Variants in ZFPM2 observed in about 807,000 individuals in gnomAD.
ZFPM2 encodes zinc finger protein, FOG family member 2, also known as zinc finger protein ZFPM2.
ZFPM2 carries 20 observed loss-of-function variants against 98.6 expected under a neutral mutation model. The observed-to-expected ratio is 0.20, with a 90% CI of 0.14 to 0.29. The LOEUF is 0.29. Among genes scored for constraint, ZFPM2 ranks in the 10% least tolerant of loss-of-function variants. The probability of loss-of-function intolerance (pLI) is 1.00; values close to 1 mark genes in which losing one functional copy is unlikely to be tolerated. For synonymous variants in ZFPM2, 518 were observed against 502.7 expected, an observed-to-expected ratio of 1.03 and a Z score of -0.41; for missense variants, 1,310 against 1,388.6, an observed-to-expected ratio of 0.94 and a Z score of 0.90.
rs1424276294 is a variant in ZFPM2, at chr8:105,403,610, G to A, written c.41-15534G>A. 2.0e-5 allele frequency among the ~76,000 whole-genome samples: 3 copies of A among 151,238 alleles called. No homozygotes were observed. The East Asian group carries it at 5.8e-4, about 29-fold the overall frequency. ...TTTTTCAGTCATTAGCATGTTGTTT[G>A]TCCTATGTTCCACACTTTTCCTCCA... On this transcript the variant is annotated intron_variant, in intron 1 of 7. Coordinates refer to ENST00000407775, the MANE Select transcript of ZFPM2 (RefSeq NM_012082.4).
At chr8:105,757,688 G>C (rs192695963) in intron 5 of ZFPM2, among the ~76,000 whole-genome samples, 1 of 152,112 alleles carries the variant, frequency 6.6e-6, no homozygotes, top group Non-Finnish European at 1.5e-5. Flanking sequence ...CAACAATCTG[G>C]AATGGTATTG....
intron 1 of ZFPM2, chr8:105,418,646 C>A (rs537945374): frequency 3.5e-5 from 18 of 515,012 alleles, no homozygotes; most frequent in Non-Finnish European, 6.6e-5. Context: ...ATAATGAAAT[C>A]TTTTCTCAGA....
At chr8:105,413,435 G>A (rs1348916611) in intron 1 of ZFPM2, among the ~76,000 whole-genome samples, 1 of 149,392 alleles carries the variant, frequency 6.7e-6, no homozygotes, top group Non-Finnish European at 1.5e-5. Context: ...TTGAAAGGTA[G>A]CATCATTTGA....
At chr8:105,461,497 A>G (rs1812704138) in intron 3 of ZFPM2, among the ~76,000 whole-genome samples, 1 of 152,146 alleles carries the variant, frequency 6.6e-6, no homozygotes, top group African/African-American at 2.4e-5. Flanking sequence ...TAAATCATTC[A>G]AATAAAAGGG....
intron 3 of ZFPM2, among the ~76,000 whole-genome samples, chr8:105,537,736 CTTTA>C (rs1440447039): frequency 1.3e-5 from 2 of 151,696 alleles, no homozygotes; most frequent in Non-Finnish European, 2.9e-5. Context: ...TTTTCTTCTT[CTTTA>C]TTTTTTTTTG....
chr8:105,563,194 T>C lies in ZFPM2; in HGVS notation c.420+1713T>C, dbSNP rs534073814. ...ACATTACATTCCTTTTTTGATTTAT[T>C]ACATGAAGGAAATCCCTTCTTCAAG... On this transcript the variant is annotated intron_variant, in intron 4 of 7. Transcript: ENST00000407775. Among the ~76,000 whole-genome samples, 159 of 152,314 alleles carry C rather than the reference T, an allele frequency of 1.0e-3. 1 individual carries two copies. The highest frequency in any genetic ancestry group is 2.0e-3 in the Non-Finnish European group (136 of 68,040).
chr8:105,724,369 T>C (rs1811755966), intron 5 of ZFPM2, among the ~76,000 whole-genome samples: 1 of 151,912 alleles, frequency 6.6e-6, no homozygotes, highest in Non-Finnish European at 1.5e-5. Context: ...TTTCTTCTAA[T>C]GCCATGAATT....
chr8:105,559,497 A>T (rs2130693864), intron 3 of ZFPM2, among the ~76,000 whole-genome samples: 1 of 152,302 alleles, frequency 6.6e-6, no homozygotes, highest in African/African-American at 2.4e-5. Context: ...AGAAGGGTGA[A>T]TGAAAGTGTT....
At chr8:105,578,694 G>A (rs1413440328) in intron 4 of ZFPM2, among the ~76,000 whole-genome samples, 1 of 152,104 alleles carries the variant, frequency 6.6e-6, no homozygotes, top group African/African-American at 2.4e-5. Context: ...CTTGGTAAGA[G>A]CAGTGCTTTG....
chr8:105,729,313 A>G (rs1811878059), intron 5 of ZFPM2, among the ~76,000 whole-genome samples: 1 of 151,538 alleles, frequency 6.6e-6, no homozygotes, highest in South Asian at 2.1e-4. Context: ...CATTACAATG[A>G]GCCTTAATTA....
At chr8:105,716,396 GT>G (rs1427347287) in intron 5 of ZFPM2, among the ~76,000 whole-genome samples, 1 of 151,596 alleles carries the variant, frequency 6.6e-6, no homozygotes, top group Admixed American at 6.6e-5. Flanking sequence ...TATAAAACCA[GT>G]TTATACATAC....
At chr8:105,357,005 C>A (rs940240885) in intron 1 of ZFPM2, among the ~76,000 whole-genome samples, 3 of 152,180 alleles carry the variant, frequency 2.0e-5, no homozygotes, top group African/African-American at 7.2e-5. Context: ...TTTGTCTACC[C>A]TGTTTTAGGA....
chr8:105,510,361 G>A (rs1477807711), intron 3 of ZFPM2, among the ~76,000 whole-genome samples: 2 of 150,802 alleles, frequency 1.3e-5, no homozygotes, highest in African/African-American at 4.9e-5. Flanking sequence ...TATGTTCGTC[G>A]GGCTACTTAG....
At chr8:105,334,427 A>G (rs1019431431) in intron 1 of ZFPM2, among the ~76,000 whole-genome samples, 7 of 151,720 alleles carry the variant, frequency 4.6e-5, no homozygotes, top group African/African-American at 1.5e-4. Flanking sequence ...TGAGCACTCA[A>G]GTGAAGATTA....
intron 5 of ZFPM2, among the ~76,000 whole-genome samples, chr8:105,695,378 ATTTTT>A (rs1165726984): frequency 1.9e-4 from 14 of 74,834 alleles, no homozygotes; most frequent in Non-Finnish European, 2.5e-4. Context: ...AATGGTTTGT[ATTTTT>A]TTTTTTTTTT....
chr8:105,676,435 C>T (rs1586191115), intron 5 of ZFPM2, among the ~76,000 whole-genome samples: 1 of 152,014 alleles, frequency 6.6e-6, no homozygotes, highest in African/African-American at 2.4e-5. Flanking sequence ...TTTTTCTTCT[C>T]CTAAAACTTC....
At chr8:105,733,825 AT>A (rs1812006067) in intron 5 of ZFPM2, among the ~76,000 whole-genome samples, 2 of 151,804 alleles carry the variant, frequency 1.3e-5, no homozygotes, top group South Asian at 4.1e-4. Flanking sequence ...CTCTAATAAT[AT>A]GGGTTGAAAT....
At chr8:105,495,397 T>A (rs1222742518) in intron 3 of ZFPM2, among the ~76,000 whole-genome samples, 4 of 152,082 alleles carry the variant, frequency 2.6e-5, no homozygotes, top group Non-Finnish European at 5.9e-5. Context: ...CAGTATAATT[T>A]AAAAAAAATT....
At chr8:105,377,086 G>T (rs957605910) in intron 1 of ZFPM2, among the ~76,000 whole-genome samples, 2 of 152,044 alleles carry the variant, frequency 1.3e-5, no homozygotes, top group Non-Finnish European at 2.9e-5. Context: ...TTGTAGGGCT[G>T]TTCACCCTGT....
Sources: allele counts gnomAD v4.1 joint callset (sites outside exome capture counted in the v4.1 genomes callset), GRCh38; gene constraint gnomAD v4.1.1; transcripts MANE v1.5; gene names NCBI Gene and HGNC (gene_info 2026-07-23, HGNC 2026-07-21).